Variants in OTUD7B observed in about 807,000 individuals in gnomAD.
OTUD7B encodes OTU deubiquitinase 7B, also known as OTU domain-containing protein 7B.
A neutral mutation model predicts 82.2 loss-of-function variants in OTUD7B; 34 were observed. The observed-to-expected ratio is 0.41, with a 90% CI of 0.31 to 0.55. The LOEUF (loss-of-function observed/expected upper bound fraction) is 0.55. Ranked by LOEUF, OTUD7B falls within the 20% of genes least tolerant of loss-of-function variation. The probability of loss-of-function intolerance (pLI) is 0.20; values close to 1 mark genes in which losing one functional copy is unlikely to be tolerated. For synonymous variants in OTUD7B, 398 were observed against 402.7 expected, an observed-to-expected ratio of 0.99 and a Z score of 0.14; for missense variants, 944 against 1,062.1, an observed-to-expected ratio of 0.89 and a Z score of 1.55.
At chr1:150,060,554 G>A in the OTUD7B span, among the ~76,000 whole-genome samples, 5 of 152,232 alleles carry the variant, frequency 3.3e-5, no homozygotes, top group Admixed American at 6.5e-5. Flanking sequence ...GGGGTACTTC[G>A]TTATTGCAGC....
At chr1:150,050,912 T>A in the OTUD7B span, among the ~76,000 whole-genome samples, 1 of 43,788 alleles carries the variant, frequency 2.3e-5, no homozygotes, top group African/African-American at 1.0e-4. Flanking sequence ...TGGCAGATAG[T>A]CCTTAAAAAA....
the OTUD7B span, among the ~76,000 whole-genome samples, chr1:150,022,514 C>T: frequency 3.8e-4 from 58 of 151,650 alleles, no homozygotes; most frequent in Non-Finnish European, 7.6e-4. Flanking sequence ...GAGCCGTAAC[C>T]ACATGTGATC....
chr1:149,992,744 T>C (rs1651680263), intron 1 of OTUD7B, among the ~76,000 whole-genome samples: 2 of 152,102 alleles, frequency 1.3e-5, no homozygotes, highest in Admixed American at 1.3e-4. Context: ...AGTGCTGGGA[T>C]TGCTGGCGTG....
intron 7 of OTUD7B, among the ~76,000 whole-genome samples, chr1:149,954,809 C>T (rs587733738): frequency 6.6e-6 from 1 of 152,056 alleles, no homozygotes; most frequent in African/African-American, 2.4e-5. Flanking sequence ...ATTTCTTCTA[C>T]ATTTTCTAGT....
chr1:150,060,894 C>T, the OTUD7B span, among the ~76,000 whole-genome samples: 13 of 152,110 alleles, frequency 8.5e-5, no homozygotes, highest in Non-Finnish European at 1.5e-4. Context: ...TTATCATTCT[C>T]GTGTAGGATT....
the OTUD7B span, among the ~76,000 whole-genome samples, chr1:150,038,983 G>A: frequency 2.0e-5 from 3 of 152,032 alleles, no homozygotes; most frequent in Non-Finnish European, 2.9e-5. Flanking sequence ...CTTCCCCACT[G>A]ATTTGAAATG....
intron 1 of OTUD7B, among the ~76,000 whole-genome samples, chr1:149,989,976 G>C (rs1403009514): frequency 6.6e-6 from 1 of 152,050 alleles, no homozygotes; most frequent in East Asian, 1.9e-4. Context: ...TTACTGTCTT[G>C]TGATACTAGT....
chr1:149,990,907 C>G (rs782592529), intron 1 of OTUD7B, among the ~76,000 whole-genome samples: 7 of 151,718 alleles, frequency 4.6e-5, no homozygotes, highest in Non-Finnish European at 1.0e-4. Context: ...AGGAGAATCG[C>G]TTGTACCTGG....
upstream of OTUD7B, among the ~76,000 whole-genome samples, chr1:150,014,017 C>CATATATACGT (rs1189941323): frequency 2.3e-5 from 3 of 128,154 alleles, no homozygotes; most frequent in South Asian, 2.5e-4. Flanking sequence ...TATACACACA[C>CATATATACGT]ATATATACGT....
intron 7 of OTUD7B, among the ~76,000 whole-genome samples, chr1:149,952,656 A>G (rs1553773762): frequency 2.6e-5 from 4 of 152,240 alleles, no homozygotes; most frequent in African/African-American, 9.6e-5. Flanking sequence ...ACTAGTTTAC[A>G]GTCCCACCAA....
Position 149,954,322 on chromosome 1 carries a change from T to C in OTUD7B, c.846-4101A>G, listed in dbSNP as rs587730780. Among the ~76,000 whole-genome samples, 3 of 152,322 alleles carry C rather than the reference T, an allele frequency of 2.0e-5. No individual in the cohort carries two copies. In the South Asian group the frequency reaches 6.2e-4, roughly 32 times the overall value. On this transcript the variant is annotated intron_variant, in intron 7 of 11. Transcript: ENST00000581312. Reference sequence around the variant, plus strand: ...GAGGTAATCATGTGGTTTTTATCTTTGGTTCTGTTTATATGATGGATTATG... The same window carrying C: ...GAGGTAATCATGTGGTTTTTATCTTCGGTTCTGTTTATATGATGGATTATG...
the OTUD7B span, among the ~76,000 whole-genome samples, chr1:150,027,930 A>G: frequency 6.6e-6 from 1 of 152,196 alleles, no homozygotes; most frequent in African/African-American, 2.4e-5. Context: ...AGACATTTTT[A>G]ATACAAGGAA....
chr1:150,035,191 T>C, the OTUD7B span, among the ~76,000 whole-genome samples: 4 of 151,488 alleles, frequency 2.6e-5, no homozygotes, highest in Non-Finnish European at 5.9e-5. Context: ...TACAGTACAC[T>C]GCATAACTGA....
the OTUD7B span, among the ~76,000 whole-genome samples, chr1:150,034,325 A>G: frequency 6.6e-6 from 1 of 152,214 alleles, no homozygotes; most frequent in African/African-American, 2.4e-5. Context: ...CTCCAATATA[A>G]TAATAAACAC....
Position 149,943,674 on chromosome 1 carries a change from C to T in OTUD7B, c.*183G>A. ...AATAGTACAGCCCCTGAGGTGCCAT[C>T]CAGCCCCGACCTGCTCTTGCCAGCC... On this transcript the variant is annotated 3_prime_UTR_variant, in exon 12 of 12. Transcript: ENST00000581312. 1.6e-6 allele frequency: 1 copy of T among 641,372 alleles called. No homozygotes were observed. The allele number at this position is 641,372 out of a possible 1,614,324, so 39.7% of individuals were successfully genotyped here. A position where few individuals can be genotyped will look rare whatever the true frequency, so the allele number is the denominator to read the frequency against.
At chr1:150,027,130 G>A in the OTUD7B span, among the ~76,000 whole-genome samples, 1 of 152,064 alleles carries the variant, frequency 6.6e-6, no homozygotes, top group Admixed American at 6.5e-5. Context: ...GTTGTATTGG[G>A]CTGTATTATA....
chr1:149,947,193 T>C, intron 11 of OTUD7B, 58 bp downstream of exon 11: 1 of 991,276 alleles, frequency 1.0e-6, no homozygotes, highest in South Asian at 1.3e-5. Context: ...GATCTCCTTG[T>C]TCTGTCACTG....
At chr1:149,959,550 C>A in intron 7 of OTUD7B, 134 bp downstream of exon 7, 1 of 643,718 alleles carries the variant, frequency 1.6e-6, no homozygotes. Context: ...TTGTTACACA[C>A]TTTTGTGCCC....
chr1:149,952,050 CT>C (rs1383609714), intron 7 of OTUD7B, among the ~76,000 whole-genome samples: 2,817 of 143,684 alleles, frequency 0.02, 69 homozygotes, highest in African/African-American at 0.062. Context: ...TGCTCCTGCA[CT>C]AATTTTTTTT....
Sources: gnomAD v4.1 joint callset for allele counts (sites outside exome capture counted in the v4.1 genomes callset) on GRCh38, gnomAD v4.1.1 for gene constraint, MANE v1.5 for transcripts, NCBI Gene and HGNC (gene_info 2026-07-23, HGNC 2026-07-21) for gene names.